TBC1D32: variants seen among roughly 807,000 people sequenced by gnomAD.
TBC1D32 encodes protein broad-minded.
A neutral mutation model predicts 170.3 loss-of-function variants in TBC1D32; 151 were observed. That is an observed-to-expected ratio of 0.89 (90% confidence interval 0.78 to 1.01). The LOEUF is 1.01. Ranked by LOEUF, TBC1D32 falls within the 50% of genes least tolerant of loss-of-function variation. TBC1D32 has a pLI of 0.00. For missense variants in TBC1D32, 1,464 were observed against 1,457.1 expected (o/e 1.00, Z -0.08); for synonymous variants, 498 against 488.0 (o/e 1.02, Z -0.27).
rs183531595 is a variant in TBC1D32 at position 121,322,871 on chromosome 6, G to T, written c.156-1077C>A. Among the ~76,000 whole-genome samples the T allele has an allele frequency of 1.3e-4, 20 of 152,148 alleles. 1 individual carries two copies. The East Asian group carries it at 3.3e-3, about 25-fold the overall frequency. ...TCTTTTCTAAATGTTTGTTTTAGTT[G>T]TTAATTCCTTGTTCATGTAATGTCT... On this transcript the variant is annotated intron_variant, in intron 1 of 31. Transcript: ENST00000398212.
intron 22 of TBC1D32, among the ~76,000 whole-genome samples, chr6:121,204,533 A>C (rs1791986680): frequency 6.6e-6 from 1 of 151,316 alleles, no homozygotes; most frequent in African/African-American, 2.5e-5. Flanking sequence ...CATATGACCA[A>C]AAGACTGTGA....
chr6:121,243,659 T>G (rs1797254164), intron 17 of TBC1D32, among the ~76,000 whole-genome samples: 1 of 151,992 alleles, frequency 6.6e-6, no homozygotes, highest in Non-Finnish European at 1.5e-5. Flanking sequence ...ACAGATTTTT[T>G]TTTCAACTGA....
chr6:121,090,760 G>T, intron 31 of TBC1D32, 93 bp downstream of exon 31: 2 of 1,155,008 alleles, frequency 1.7e-6, no homozygotes, highest in Non-Finnish European at 2.5e-6. Context: ...TTGGTTTTTA[G>T]GATTAAATGA....
At chr6:121,302,695 G>T (rs927757156) in intron 9 of TBC1D32, among the ~76,000 whole-genome samples, 2 of 152,028 alleles carry the variant, frequency 1.3e-5, no homozygotes, top group Admixed American at 1.3e-4. Flanking sequence ...CTCAAATAAT[G>T]ATATAATTTG....
Position 121,255,394 on chromosome 6 carries a change from T to A in TBC1D32, c.1952A>T (p.Glu651Val), listed in dbSNP as rs1377895930. 1 of 1,522,296 alleles carries A rather than the reference T, an allele frequency of 6.6e-7. No individual in the cohort carries two copies. Among genetic ancestry groups the A allele is most frequent in the Non-Finnish European group, 8.8e-7 (1 of 1,130,984 alleles). The allele number at this position is 1,522,296 out of a possible 1,614,324, so 94.3% of individuals were successfully genotyped here. ...KAWKKTSLLS[E>V]RIPTPVEGSD... ...ACCCTCTACTGGAGTAGGAATTCTT[T>A]CTGATAGCAAACTTGTCTAAAAAAT... Residue 651 changes from glutamate to valine, a missense_variant, in exon 17 of 32, where the codon GAA (glutamate) becomes GTA (valine). Glu to Val is a moderately radical substitution (Grantham distance 121, BLOSUM62 -2). Around this residue, in one of 3 missense-constraint regions of TBC1D32, gnomAD observed 1,363 missense variants for 1,338.1 expected, o/e 1.02. Coordinates refer to ENST00000398212, the MANE Select transcript of TBC1D32 (RefSeq NM_152730.6).
intron 31 of TBC1D32, among the ~76,000 whole-genome samples, 185 bp from the exon 32 acceptor site, chr6:121,081,075 C>T (rs1435272041): frequency 6.6e-6 from 1 of 151,980 alleles, no homozygotes; most frequent in Non-Finnish European, 1.5e-5. Flanking sequence ...CAGGAAGAAA[C>T]TATATGTCCC....
chr6:121,293,271 G>A (rs1465599856), intron 11 of TBC1D32, among the ~76,000 whole-genome samples: 1 of 151,394 alleles, frequency 6.6e-6, no homozygotes, highest in Non-Finnish European at 1.5e-5. Flanking sequence ...AGAAAAATCT[G>A]TAAGTTTGTA....
At chr6:121,151,296 T>C (rs1784182036) in intron 24 of TBC1D32, among the ~76,000 whole-genome samples, 1 of 152,208 alleles carries the variant, frequency 6.6e-6, no homozygotes, top group Non-Finnish European at 1.5e-5. Context: ...TCAGTTTCCA[T>C]GTAGTTGTGC....
At chr6:121,102,712 T>C (rs1382769562) in intron 30 of TBC1D32, among the ~76,000 whole-genome samples, 1 of 152,100 alleles carries the variant, frequency 6.6e-6, no homozygotes, top group East Asian at 1.9e-4. Context: ...CCAAAAGCAA[T>C]GGCAACAAAA....
chr6:121,334,472 A>G lies in TBC1D32; in HGVS notation c.-42T>C, dbSNP rs1308642668. ...GTCCACTCTCATTACTCCAGGTCCG[A>G]GCAAAAGCCGCGCACTGCGCACGCG... On this transcript the variant is annotated 5_prime_UTR_variant, in exon 1 of 32. Coordinates refer to ENST00000398212, the MANE Select transcript of TBC1D32 (RefSeq NM_152730.6). 1.9e-6 allele frequency: 3 copies of G among 1,579,814 alleles called. No homozygotes were observed. Among genetic ancestry groups the G allele is most frequent in the Admixed American group, 3.7e-5 (2 of 54,646 alleles).
chr6:121,323,240 A>G (rs1380709268), intron 1 of TBC1D32, among the ~76,000 whole-genome samples: 2 of 152,024 alleles, frequency 1.3e-5, no homozygotes, highest in Non-Finnish European at 2.9e-5. Flanking sequence ...TTTCTCTATC[A>G]ATCAGTACAA....
intron 21 of TBC1D32, among the ~76,000 whole-genome samples, chr6:121,209,254 C>CA (rs1263805006): frequency 6.6e-6 from 1 of 152,070 alleles, no homozygotes. Flanking sequence ...ACCATAACCA[C>CA]AATCTATGCC....
At chr6:121,161,407 A>C (rs1011583704) in intron 22 of TBC1D32, among the ~76,000 whole-genome samples, 2 of 152,088 alleles carry the variant, frequency 1.3e-5, no homozygotes, top group African/African-American at 4.8e-5. Flanking sequence ...ATGTGTCCAT[A>C]TGTTCTCATC....
intron 9 of TBC1D32, among the ~76,000 whole-genome samples, chr6:121,300,603 CA>C (rs1228091816): frequency 2.6e-5 from 4 of 152,120 alleles, no homozygotes; most frequent in African/African-American, 4.8e-5. Context: ...AAAACCTAGG[CA>C]ATACCATTCA....
At chr6:121,304,277 A>G (rs1458290055) in intron 8 of TBC1D32, 88 bp downstream of exon 8, 2 of 1,218,036 alleles carry the variant, frequency 1.6e-6, no homozygotes, top group Non-Finnish European at 2.3e-6. Flanking sequence ...AAGTCCATTA[A>G]GACTGTCTTT....
chr6:121,282,032 A>G (rs969773735), intron 13 of TBC1D32, among the ~76,000 whole-genome samples: 7 of 151,738 alleles, frequency 4.6e-5, no homozygotes, highest in Non-Finnish European at 1.0e-4. Flanking sequence ...TTTTCTCCCT[A>G]GAATACACTT....
intron 17 of TBC1D32, 116 bp from the exon 18 acceptor site, chr6:121,242,455 G>GCT: frequency 1.1e-6 from 1 of 927,710 alleles, no homozygotes; most frequent in Non-Finnish European, 1.6e-6. Flanking sequence ...AGTATATATT[G>GCT]GTTGCAAATT....
chr6:121,299,098 T>A (rs1806078332), intron 10 of TBC1D32, among the ~76,000 whole-genome samples: 1 of 152,076 alleles, frequency 6.6e-6, no homozygotes, highest in Admixed American at 6.6e-5. Flanking sequence ...CTGAAAAACA[T>A]GGGTCTATAT....
At chr6:121,146,572 A>T (rs1269209558) in intron 24 of TBC1D32, among the ~76,000 whole-genome samples, 1 of 152,208 alleles carries the variant, frequency 6.6e-6, no homozygotes, top group African/African-American at 2.4e-5. Flanking sequence ...GAAAACAGTC[A>T]TCTAGGAGAC....
Sources: gnomAD v4.1 joint callset for allele counts (sites outside exome capture counted in the v4.1 genomes callset) on GRCh38, gnomAD v4.1.1 for gene constraint, gnomAD v4.1.1 regional missense constraint, MANE v1.5 for transcripts, NCBI Gene and HGNC (gene_info 2026-07-23, HGNC 2026-07-21) for gene names.